BCCIP: variants seen among roughly 807,000 people sequenced by gnomAD.
The protein encoded by BCCIP is BRCA2 and CDKN1A-interacting protein.
A neutral mutation model predicts 32.8 loss-of-function variants in BCCIP; 23 were observed. The ratio of observed to expected loss-of-function variants is 0.70; its 90% CI spans 0.51 to 0.99. BCCIP has a LOEUF of 0.99. BCCIP is among the 50% of genes least tolerant of loss of function. The pLI is 0.00. For missense variants in BCCIP, 378 were observed against 379.8 expected, an observed-to-expected ratio of 1.00 and a Z score of 0.04; for synonymous variants, 144 against 137.6, an observed-to-expected ratio of 1.05 and a Z score of -0.33.
rs555950672 is a variant in BCCIP at position 125,826,792 on chromosome 10, G to C, written c.240+127G>C. 1.2e-5 allele frequency: 18 copies of C among 1,440,412 alleles called. No individual in the cohort carries two copies. In the East Asian group the frequency reaches 4.1e-4, roughly 33 times the overall value. The allele number at this position is 1,440,412 out of a possible 1,614,324, so 89.2% of individuals were successfully genotyped here. A position where few individuals can be genotyped will look rare whatever the true frequency, so the allele number is the denominator to read the frequency against. On this transcript the variant is annotated intron_variant, in intron 2 of 6. Coordinates refer to ENST00000278100, the MANE Select transcript of BCCIP (RefSeq NM_078468.3). ...AGGTGAGAGGATTGCTTGAGCCCAG[G>C]AGTTTGAGACCAGCCTGGGCAACAT...
downstream of BCCIP, among the ~76,000 whole-genome samples, chr10:125,837,574 A>G (rs1014488211): frequency 7.9e-5 from 12 of 152,128 alleles, no homozygotes; most frequent in African/African-American, 2.9e-4. Flanking sequence ...CTATAGGCGC[A>G]TGCCACCACA....
chr10:125,849,444 G>A (rs1944062918), intron 7 of BCCIP, among the ~76,000 whole-genome samples: 1 of 152,206 alleles, frequency 6.6e-6, no homozygotes, highest in Admixed American at 6.5e-5. Flanking sequence ...ACTGGCCCTG[G>A]AAAGTTGTTT....
At chr10:125,832,545 T>G (rs1292372071) in intron 5 of BCCIP, among the ~76,000 whole-genome samples, 1 of 143,146 alleles carries the variant, frequency 7.0e-6, no homozygotes, top group East Asian at 1.9e-4. Context: ...GTGGTTTTTG[T>G]TTTTTTTTGG....
chr10:125,836,825 G>A (rs34866812), downstream of BCCIP: 5,364 of 1,614,094 alleles, frequency 3.3e-3, 176 homozygotes, highest in African/African-American at 0.063. Context: ...GCAGATTACT[G>A]AAATAGTATT....
Position 125,831,521 on chromosome 10 carries a change from C to CA in BCCIP, c.514dup (p.Thr172AsnfsTer11), listed in dbSNP as rs752577217. 1.2e-6 allele frequency: 2 copies of CA among 1,614,200 alleles called. No homozygotes were observed. Among genetic ancestry groups the CA allele is most frequent in the Non-Finnish European group, 1.7e-6 (2 of 1,180,028 alleles). On this transcript the variant is annotated frameshift_variant, in exon 5 of 7. Coordinates refer to ENST00000278100, the MANE Select transcript of BCCIP (RefSeq NM_078468.3). LOFTEE classifies it high-confidence loss of function. ...AACAGCTGGACAAGTTTTTAAATGACACCACCAAGCCTGTGGGCCTTCTCC... is the reference window on the plus strand; with the variant it reads ...AACAGCTGGACAAGTTTTTAAATGACAACCACCAAGCCTGTGGGCCTTCTCC...
chr10:125,830,554 T>A lies in BCCIP; in HGVS notation c.322-8T>A, dbSNP rs1265118612. ...TATAACATTTAAATATTTTTTCTTT[T>A]AAAATAGCAAACGGATGTTTCAGAA... On this transcript the variant is annotated splice_polypyrimidine_tract_variant and splice_region_variant and intron_variant, in intron 3 of 6. Transcript: ENST00000278100. 2 of 1,575,588 alleles carry A rather than the reference T, an allele frequency of 1.3e-6. No individual in the cohort carries two copies. The highest frequency in any genetic ancestry group is 3.5e-5 in the Admixed American group (2 of 56,708).
rs578186981 is a variant in BCCIP at position 125,834,933 on chromosome 10, C to A, written c.774+987C>A. Among the ~76,000 whole-genome samples, 87 of 151,492 alleles carry A rather than the reference C, an allele frequency of 5.7e-4. No homozygotes were observed. In the South Asian group the frequency reaches 0.018, roughly 31 times the overall value. On this transcript the variant is annotated intron_variant, in intron 6 of 6. Transcript: ENST00000278100. ...GGATCACGAGGTCAGGAGATCGAGA[C>A]CATCCTGGCTAACATGGTGAAACCC... is the stretch of plus-strand genomic sequence containing the variant.
chr10:125,835,380 C>G (rs1854644145), intron 6 of BCCIP, among the ~76,000 whole-genome samples: 1 of 152,140 alleles, frequency 6.6e-6, no homozygotes, highest in African/African-American at 2.4e-5. Flanking sequence ...GGAGATCAGA[C>G]CATCCTGGCT....
intron 5 of BCCIP, 95 bp from the exon 6 acceptor site, chr10:125,833,677 A>T: frequency 8.0e-7 from 1 of 1,251,964 alleles, no homozygotes; most frequent in Non-Finnish European, 1.1e-6. Context: ...AGCAGAACCC[A>T]CTGAAGATGC....
chr10:125,850,259 T>C (rs562468512), intron 7 of BCCIP, among the ~76,000 whole-genome samples: 1 of 151,342 alleles, frequency 6.6e-6, no homozygotes, highest in Non-Finnish European at 1.5e-5. Flanking sequence ...ATTACAGGTG[T>C]GAGCCACCAT....
chr10:125,824,085 C>T (rs1330293635), intron 1 of BCCIP, among the ~76,000 whole-genome samples: 2 of 152,224 alleles, frequency 1.3e-5, no homozygotes, highest in Non-Finnish European at 2.9e-5. Flanking sequence ...CTGTCCTCCT[C>T]TTCACTCTGC....
At chr10:125,836,627 C>T, downstream of BCCIP, 1 of 1,576,706 alleles carries the variant, frequency 6.3e-7, no homozygotes, top group Non-Finnish European at 8.6e-7. Context: ...CTCCCATATC[C>T]AGCAGTTCAG....
chr10:125,837,885 G>A (rs770467942), downstream of BCCIP, among the ~76,000 whole-genome samples: 58 of 152,122 alleles, frequency 3.8e-4, no homozygotes, highest in Non-Finnish European at 6.6e-4. Context: ...AACTGCAGTG[G>A]CTCTTGAAAG....
intron 6 of BCCIP, 87 bp from the exon 7 acceptor site, chr10:125,836,017 C>T: frequency 8.1e-7 from 1 of 1,232,464 alleles, no homozygotes; most frequent in Non-Finnish European, 1.2e-6. Flanking sequence ...AAGCATATGC[C>T]AAACGTAATA....
rs1252801189 is a variant in BCCIP, at chr10:125,831,542, TCTC to T, written c.537_539del (p.Leu180del). 1.2e-6 allele frequency: 2 copies of T among 1,614,186 alleles called. No individual in the cohort carries two copies. The highest frequency in any genetic ancestry group is 3.3e-5 in the Admixed American group (2 of 60,024). On this transcript the variant is annotated inframe_deletion, in exon 5 of 7. Coordinates refer to ENST00000278100, the MANE Select transcript of BCCIP (RefSeq NM_078468.3). ...ATGACACCACCAAGCCTGTGGGCCT[TCTC>T]CTAAGTGAAAGATTCATTAATGTCC...
intron 1 of BCCIP, among the ~76,000 whole-genome samples, chr10:125,823,989 C>T (rs913937845): frequency 6.6e-6 from 1 of 152,128 alleles, no homozygotes; most frequent in Non-Finnish European, 1.5e-5. Context: ...TTCTTCTCGT[C>T]CTCTTTAGTT....
At chr10:125,832,802 CTTTTTTTTTTTCTT>C (rs1159129798) in intron 5 of BCCIP, among the ~76,000 whole-genome samples, 1 of 109,242 alleles carries the variant, frequency 9.2e-6, no homozygotes, top group Admixed American at 1.4e-4. Context: ...AAGACCCTAT[CTTTTTTTTTTTCTT>C]TTTTTTTTTT....
downstream of BCCIP, among the ~76,000 whole-genome samples, chr10:125,844,213 A>C (rs11244669): frequency 0.28 from 42,193 of 152,168 alleles, 7,556 homozygotes; most frequent in Non-Finnish European, 0.4. Context: ...AAGGTACAAG[A>C]AGCAGCATCA....
intron 3 of BCCIP, among the ~76,000 whole-genome samples, 191 bp downstream of exon 3, chr10:125,827,829 G>A (rs889398393): frequency 2.2e-4 from 33 of 151,958 alleles, no homozygotes; most frequent in Admixed American, 2.2e-3. Flanking sequence ...AAAATTAGCC[G>A]GGCATAGTAG....
Sources: gnomAD v4.1 joint callset for allele counts (sites outside exome capture counted in the v4.1 genomes callset) on GRCh38, gnomAD v4.1.1 for gene constraint, MANE v1.5 for transcripts, NCBI Gene and HGNC (gene_info 2026-07-23, HGNC 2026-07-21) for gene names.